BICRAL: variants seen among roughly 807,000 people sequenced by gnomAD.
BICRAL encodes BICRA like chromatin remodeling complex associated protein.
A neutral mutation model predicts 91.8 loss-of-function variants in BICRAL; 8 were observed. The ratio of observed to expected loss-of-function variants is 0.09; its 90% CI spans 0.05 to 0.16. The LOEUF (loss-of-function observed/expected upper bound fraction) is 0.16. Among genes scored for constraint, BICRAL ranks in the 10% least tolerant of loss-of-function variants. BICRAL has a pLI of 1.00. For missense variants in BICRAL, 1,038 were observed against 1,310.9 expected, an observed-to-expected ratio of 0.79 and a Z score of 3.21; for synonymous variants, 445 against 491.1, an observed-to-expected ratio of 0.91 and a Z score of 1.24.
chr6:42,758,081 A>T (rs971994192), intron 1 of BICRAL, among the ~76,000 whole-genome samples: 3 of 152,138 alleles, frequency 2.0e-5, no homozygotes, highest in Admixed American at 6.6e-5. Context: ...CACCCAGTTG[A>T]CAAATACTGT....
At chr6:42,747,808 T>TG (rs1554273004) in intron 1 of BICRAL, among the ~76,000 whole-genome samples, 1 of 145,478 alleles carries the variant, frequency 6.9e-6, no homozygotes, top group African/African-American at 2.6e-5. Flanking sequence ...TTATTTTGTT[T>TG]TTTTTTTTTT....
Position 42,829,322 on chromosome 6 carries a change from A to G in BICRAL, c.989A>G (p.Asn330Ser). 1 of 1,614,206 alleles carries G rather than the reference A, an allele frequency of 6.2e-7. No individual in the cohort carries two copies. Residue 330 changes from asparagine (N) to serine (S), a missense_variant, in exon 6 of 13, where the codon AAT (asparagine) becomes AGT (serine). Around this residue, in one of 5 missense-constraint regions of BICRAL, gnomAD observed 532 missense variants for 724.9 expected, o/e 0.73. Transcript: ENST00000314073. ...CAGCAAAATACATACAATGTGAACA[A>G]TTTGGGAATTCAGCAGCACCACGTA... ...MGQQNTYNVN[N>S]LGIQQHHVQQ...
intron 6 of BICRAL, among the ~76,000 whole-genome samples, chr6:42,844,224 A>T (rs899788105): frequency 1.0e-4 from 15 of 148,962 alleles, no homozygotes; most frequent in Non-Finnish European, 1.8e-4. Flanking sequence ...CTAAGAAAAG[A>T]GGATGGGCTT....
At chr6:42,817,967 T>TAAAAAA (rs11396430) in intron 2 of BICRAL, among the ~76,000 whole-genome samples, 1 of 107,254 alleles carries the variant, frequency 9.3e-6, no homozygotes, top group Admixed American at 1.0e-4. Context: ...ACCCTATCTC[T>TAAAAAA]AAAAAAAAAA....
upstream of BICRAL, among the ~76,000 whole-genome samples, chr6:42,778,169 G>T (rs1762829685): frequency 6.6e-6 from 1 of 152,120 alleles, no homozygotes. Flanking sequence ...CTTAAAATTA[G>T]GTTGGACAAC....
At chr6:42,837,849 C>T (rs961348337) in intron 6 of BICRAL, among the ~76,000 whole-genome samples, 4 of 152,106 alleles carry the variant, frequency 2.6e-5, no homozygotes, top group Admixed American at 6.6e-5. Flanking sequence ...CAGTTGCCAT[C>T]AGGCAACCAG....
chr6:42,800,631 C>T (rs1582828724), intron 1 of BICRAL, among the ~76,000 whole-genome samples: 1 of 151,502 alleles, frequency 6.6e-6, no homozygotes, highest in South Asian at 2.1e-4. Context: ...CTCACTGCAA[C>T]CTCCGCCTCC....
intron 1 of BICRAL, among the ~76,000 whole-genome samples, chr6:42,767,559 A>G (rs1430983880): frequency 1.3e-5 from 2 of 152,202 alleles, no homozygotes; most frequent in Non-Finnish European, 2.9e-5. Context: ...GCTACCTGCA[A>G]CACCAGCCAG....
At chr6:42,751,689 C>G (rs1163219045) in intron 1 of BICRAL, among the ~76,000 whole-genome samples, 1 of 122,852 alleles carries the variant, frequency 8.1e-6, no homozygotes, top group African/African-American at 3.1e-5. Context: ...CGGAGTTTTG[C>G]CCTTGTTGCC....
chr6:42,824,973 A>G (rs1246186304), intron 5 of BICRAL, among the ~76,000 whole-genome samples: 2 of 152,070 alleles, frequency 1.3e-5, no homozygotes, highest in Non-Finnish European at 2.9e-5. Context: ...TAAAAATTAG[A>G]CCAGCAGCTG....
intron 1 of BICRAL, among the ~76,000 whole-genome samples, chr6:42,750,029 T>A (rs574188711): frequency 4.5e-4 from 69 of 152,024 alleles, no homozygotes; most frequent in African/African-American, 1.6e-3. Context: ...TAATTTTTTT[T>A]AATATATATA....
At chr6:42,859,087 C>A (rs1765474309) in intron 10 of BICRAL, among the ~76,000 whole-genome samples, 1 of 151,748 alleles carries the variant, frequency 6.6e-6, no homozygotes, top group African/African-American at 2.4e-5. Flanking sequence ...CAAGATCCAG[C>A]GTTAAACAGG....
At chr6:42,807,666 C>T (rs1340412134) in intron 1 of BICRAL, among the ~76,000 whole-genome samples, 2 of 151,434 alleles carry the variant, frequency 1.3e-5, no homozygotes, top group African/African-American at 4.8e-5. Context: ...ATTAGCTGGG[C>T]GTGGTGGCGC....
At chr6:42,776,330 C>G (rs1305565284) in intron 1 of BICRAL, among the ~76,000 whole-genome samples, 1 of 151,122 alleles carries the variant, frequency 6.6e-6, no homozygotes, top group Non-Finnish European at 1.5e-5. Flanking sequence ...AGCCACTGAG[C>G]CCGGCCCTTA....
rs186584282 is a variant in BICRAL at position 42,799,979 on chromosome 6, G to A, written c.-101-10327G>A. Among the ~76,000 whole-genome samples the A allele has an allele frequency of 3.3e-3, 497 of 151,918 alleles. 2 individuals carry two copies. Among genetic ancestry groups the A allele is most frequent in the African/African-American group, 0.011 (472 of 41,396 alleles). On this transcript the variant is annotated intron_variant, in intron 1 of 12. Coordinates refer to ENST00000314073, the MANE Select transcript of BICRAL (RefSeq NM_001393499.1). ...GACTGCAACCTCCGCCCCCAGGTTC[G>A]AGCAATTCTCCTGCCTCAGCTTCCC...
At position 42,865,818 on chromosome 6, in the gene BICRAL, T is replaced by G. The variant is rs1268121060; in HGVS notation, c.*372T>G. 1 of 173,050 alleles carries G rather than the reference T, an allele frequency of 5.8e-6. No homozygotes were observed. Among genetic ancestry groups the G allele is most frequent in the Non-Finnish European group, 1.2e-5 (1 of 81,448 alleles). 10.7% of individuals were successfully genotyped at this position (173,050 alleles called of 1,614,324 possible). On this transcript the variant is annotated 3_prime_UTR_variant, in exon 13 of 13. Transcript: ENST00000314073. ...TTGGTAAAATTTTGACAATCATAAG[T>G]CATTTGAAAAGAACAGACTTACTAA...
At chr6:42,857,975 AT>A (rs1765437539) in intron 10 of BICRAL, among the ~76,000 whole-genome samples, 2 of 149,668 alleles carry the variant, frequency 1.3e-5, no homozygotes, top group Admixed American at 1.3e-4. Context: ...CGGCTGGCTA[AT>A]TTTTGTATTT....
intron 1 of BICRAL, among the ~76,000 whole-genome samples, chr6:42,754,363 G>A (rs928270228): frequency 6.6e-5 from 10 of 151,672 alleles, no homozygotes; most frequent in Admixed American, 5.3e-4. Context: ...TAGTAGAGAC[G>A]GGGTTTCACT....
intron 1 of BICRAL, among the ~76,000 whole-genome samples, chr6:42,784,531 C>T (rs2113865418): frequency 6.6e-6 from 1 of 152,240 alleles, no homozygotes; most frequent in Admixed American, 6.5e-5. Context: ...TGCTGTATGC[C>T]AGGAACTGTG....
Sources: allele counts gnomAD v4.1 joint callset (sites outside exome capture counted in the v4.1 genomes callset), GRCh38; gene constraint gnomAD v4.1.1; regional missense constraint gnomAD v4.1.1; transcripts MANE v1.5; gene names NCBI Gene and HGNC (gene_info 2026-07-23, HGNC 2026-07-21).